ZDHHC1: variants seen among roughly 807,000 people sequenced by gnomAD.
ZDHHC1 encodes palmitoyltransferase ZDHHC1.
A neutral mutation model predicts 46.9 loss-of-function variants in ZDHHC1; 45 were observed. The observed-to-expected ratio is 0.96, with a 90% CI of 0.76 to 1.23. ZDHHC1 has a LOEUF of 1.23. Ranked by LOEUF, ZDHHC1 falls within the 50% of genes most tolerant of loss-of-function variation. The pLI, the probability that ZDHHC1 is intolerant of heterozygous loss-of-function variation, is 0.00. For missense variants in ZDHHC1, 649 were observed against 670.8 expected (o/e 0.97, Z 0.36); for synonymous variants, 291 against 286.0 (o/e 1.02, Z -0.18).
At position 67,406,200 on chromosome 16, in the gene ZDHHC1, A is replaced by C; in HGVS notation, c.252T>G (p.Ala84=). 6.2e-7 allele frequency: 1 copy of C among 1,613,734 alleles called. No homozygotes were observed. Among genetic ancestry groups the C allele is most frequent in the Non-Finnish European group, 8.5e-7 (1 of 1,179,858 alleles). The change falls in exon 3 of 12, where the codon GCT becomes GCG. Residue 84 remains alanine, a splice_region_variant and synonymous_variant. Transcript: ENST00000565726. This position sits in a 1 kb window ranked among gnomAD's most constrained non-coding sequence, Gnocchi z 4.1. ...LPHHWVPAGY[A]CMGAIFAGHL... ...CAGCCCTACGCTTTCCCAAGGATACAGCGTAGCCAGCGGGCACCCAGTGGT... is the reference window on the plus strand; with the variant it reads ...CAGCCCTACGCTTTCCCAAGGATACCGCGTAGCCAGCGGGCACCCAGTGGT...
chr16:67,397,706 T>C (rs915567511), intron 8 of ZDHHC1, among the ~76,000 whole-genome samples: 5 of 152,274 alleles, frequency 3.3e-5, no homozygotes, highest in Admixed American at 2.6e-4. Context: ...GGTCAGCCAC[T>C]GGCCTGGCCA....
chr16:67,411,715 G>A (rs910017005), intron 1 of ZDHHC1, among the ~76,000 whole-genome samples: 2 of 151,950 alleles, frequency 1.3e-5, no homozygotes, highest in East Asian at 1.9e-4. Context: ...AGCATCAAAA[G>A]CAAGGGATAA....
chr16:67,395,162 G>A (rs577666673), intron 10 of ZDHHC1, 25 bp downstream of exon 10: 7 of 1,613,022 alleles, frequency 4.3e-6, no homozygotes, highest in Non-Finnish European at 5.9e-6. Flanking sequence ...CACCTGGACC[G>A]GAGGCCCAGC....
At chr16:67,402,836 A>G (rs2040579746) in intron 3 of ZDHHC1, among the ~76,000 whole-genome samples, 1 of 152,178 alleles carries the variant, frequency 6.6e-6, no homozygotes, top group Non-Finnish European at 1.5e-5. Flanking sequence ...CATGTTGGCC[A>G]AGGCTAGTCT....
At chr16:67,404,098 A>T (rs1398082993) in intron 3 of ZDHHC1, 1 of 152,404 alleles carries the variant, frequency 6.6e-6, no homozygotes, top group Non-Finnish European at 1.5e-5. Context: ...TGGCAGTGGC[A>T]GAAACCGGGA....
At chr16:67,404,391 T>G in intron 3 of ZDHHC1, 1 of 249,602 alleles carries the variant, frequency 4.0e-6, no homozygotes, top group Non-Finnish European at 8.2e-6. Flanking sequence ...AGGGCTCAGC[T>G]TGTATCCCTA....
chr16:67,402,402 C>T (rs2040568326), intron 3 of ZDHHC1, among the ~76,000 whole-genome samples: 1 of 152,210 alleles, frequency 6.6e-6, no homozygotes, highest in Non-Finnish European at 1.5e-5. Context: ...TCCTCCCAAA[C>T]CTCTCTGCTA....
chr16:67,395,637 A>C (rs2040416530), intron 8 of ZDHHC1, 71 bp from the exon 9 acceptor site: 4 of 1,447,092 alleles, frequency 2.8e-6, no homozygotes, highest in Non-Finnish European at 3.8e-6. Context: ...CCCTAAGCCC[A>C]CGCAGTCCTG....
intron 1 of ZDHHC1, among the ~76,000 whole-genome samples, chr16:67,411,765 AT>A: frequency 6.6e-6 from 1 of 152,220 alleles, no homozygotes; most frequent in Non-Finnish European, 1.5e-5. Flanking sequence ...TTGATACACA[AT>A]TAAGTGAAAA....
At chr16:67,398,797 A>G in intron 6 of ZDHHC1, 23 bp downstream of exon 6, 1 of 1,612,510 alleles carries the variant, frequency 6.2e-7, no homozygotes, top group Non-Finnish European at 8.5e-7. Flanking sequence ...GGGGGTGAGA[A>G]TAGGCCCGGA....
Position 67,394,168 on chromosome 16 carries a change from C to T in ZDHHC1, c.*442G>A, listed in dbSNP as rs2142215046. Among the ~76,000 whole-genome samples, 1 of 152,356 alleles carries T rather than the reference C, an allele frequency of 6.6e-6. No individual in the cohort carries two copies. Among genetic ancestry groups the T allele is most frequent in the Non-Finnish European group, 1.5e-5 (1 of 68,034 alleles). On this transcript the variant is annotated 3_prime_UTR_variant, in exon 12 of 12. Transcript: ENST00000565726. The stretch of plus-strand genomic sequence containing the variant: ...CACGGCCTCGCAGCCTCAGCGCCCA[C>T]TGCTGCTTTCGGAGCCCAAAGCCTG...
intron 8 of ZDHHC1, 50 bp from the exon 9 acceptor site, chr16:67,395,616 A>G: frequency 1.3e-6 from 2 of 1,524,592 alleles, no homozygotes; most frequent in South Asian, 2.4e-5. Context: ...GTGGCTCCCG[A>G]GCCTGCTGAG....
At chr16:67,400,142 G>A (rs2040522692) in intron 4 of ZDHHC1, among the ~76,000 whole-genome samples, 2 of 152,194 alleles carry the variant, frequency 1.3e-5, no homozygotes, top group African/African-American at 2.4e-5. Context: ...GTGTGCTGGC[G>A]GGTGCCCAGT....
chr16:67,400,615 C>T (rs1164952006), intron 4 of ZDHHC1, among the ~76,000 whole-genome samples: 1 of 152,166 alleles, frequency 6.6e-6, no homozygotes. Flanking sequence ...AGGAAGAGCT[C>T]AGCACACAGT....
At chr16:67,407,658 C>A in intron 2 of ZDHHC1, 109 bp downstream of exon 2, 1 of 753,244 alleles carries the variant, frequency 1.3e-6, no homozygotes, top group Non-Finnish European at 2.5e-6. Context: ...TTGCAATCCT[C>A]ATGTCTGCCC....
intron 1 of ZDHHC1, among the ~76,000 whole-genome samples, chr16:67,410,834 T>C (rs1433627574): frequency 3.3e-5 from 5 of 151,746 alleles, no homozygotes; most frequent in Non-Finnish European, 7.4e-5. Context: ...TCCAGCTAAT[T>C]TTTATGTTTT....
chr16:67,402,650 G>A (rs1415936101), intron 3 of ZDHHC1, among the ~76,000 whole-genome samples: 1 of 149,058 alleles, frequency 6.7e-6, no homozygotes, highest in African/African-American at 2.5e-5. Flanking sequence ...TTTTTGAGAT[G>A]GAGTCTCGCT....
Position 67,401,072 on chromosome 16 carries a change from G to C in ZDHHC1, c.313C>G (p.Pro105Ala). The change falls in exon 4 of 12, where the codon CCA (proline) becomes GCA (alanine). Residue 105 changes from proline (P) to alanine (A), a missense_variant. Pro to Ala is a conservative substitution (Grantham distance 27). Coordinates refer to ENST00000565726, the MANE Select transcript of ZDHHC1 (RefSeq NM_001323627.2). This position sits in a 1 kb window ranked among gnomAD's most constrained non-coding sequence, Gnocchi z 4.6. Reference sequence around the variant, plus strand: ...TTGTCCCGCACGTTGGCATCTGCTGGATCGATGGAGACGGCGGTCAGGTGC... The same window carrying C: ...TTGTCCCGCACGTTGGCATCTGCTGCATCGATGGAGACGGCGGTCAGGTGC... The part of the protein sequence containing the change: ...VVHLTAVSID[P>A]ADANVRDKSY... The C allele has an allele frequency of 1.2e-6, 2 of 1,614,148 alleles. No individual in the cohort carries two copies. The highest frequency in any genetic ancestry group is 1.7e-5 in the Admixed American group (1 of 60,024).
chr16:67,406,888 T>C lies in ZDHHC1; in HGVS notation c.10-446A>G, dbSNP rs1024811654. Among the ~76,000 whole-genome samples the C allele has an allele frequency of 1.3e-5, 2 of 152,144 alleles. No individual in the cohort carries two copies. Among genetic ancestry groups the C allele is most frequent in the African/African-American group, 4.8e-5 (2 of 41,426 alleles). Reference sequence around the variant, plus strand: ...AAGTGTCAGACACCCCCGCTATCCTTTGCTCAGGGAAACGGGGAATGGGGT... The same window carrying C: ...AAGTGTCAGACACCCCCGCTATCCTCTGCTCAGGGAAACGGGGAATGGGGT... On this transcript the variant is annotated intron_variant, in intron 2 of 11. Transcript: ENST00000565726. This position sits in a 1 kb window ranked among gnomAD's most constrained non-coding sequence, Gnocchi z 4.1.
Sources: allele counts gnomAD v4.1 joint callset (sites outside exome capture counted in the v4.1 genomes callset), GRCh38; gene constraint gnomAD v4.1.1; non-coding constraint Gnocchi (gnomAD v3.1); transcripts MANE v1.5; gene names NCBI Gene and HGNC (gene_info 2026-07-23, HGNC 2026-07-21).